POU2AF1: variants seen among roughly 807,000 people sequenced by gnomAD.
POU2AF1 encodes POU class 2 homeobox associating factor 1, also known as POU domain class 2-associating factor 1.
In POU2AF1, 12 loss-of-function variants were observed where a neutral mutation model predicts 26.3. The observed-to-expected ratio is 0.46, with a 90% CI of 0.29 to 0.74. The LOEUF is 0.74. Ranked by LOEUF, POU2AF1 falls within the 30% of genes least tolerant of loss-of-function variation. The pLI is 0.09. For missense variants in POU2AF1, 297 were observed against 334.5 expected (o/e 0.89, Z 0.87); for synonymous variants, 175 against 148.0 (o/e 1.18, Z -1.32).
At position 111,358,764 on chromosome 11, in the gene POU2AF1, ACTCT is replaced by A; in HGVS notation, c.147+20_147+23del. 6.4e-7 allele frequency: 1 copy of A among 1,556,846 alleles called. No individual in the cohort carries two copies. Among genetic ancestry groups the A allele is most frequent in the Non-Finnish European group, 8.7e-7 (1 of 1,155,578 alleles). ...TTCTCTTTCACACACACACACTCAC[ACTCT>A]CACACACACAAACTCTCACCGCCGT... On this transcript the variant is annotated intron_variant, in intron 2 of 4. Coordinates refer to ENST00000393067, the MANE Select transcript of POU2AF1 (RefSeq NM_006235.3).
intron 1 of POU2AF1, among the ~76,000 whole-genome samples, chr11:111,378,268 A>G (rs533681971): frequency 6.6e-6 from 1 of 152,212 alleles, no homozygotes; most frequent in South Asian, 2.1e-4. Flanking sequence ...ATTAATTAAA[A>G]CGAATTTTAA....
Position 111,357,612 on chromosome 11 carries a change from G to C in POU2AF1, c.289C>G (p.Gln97Glu). The C allele has an allele frequency of 6.2e-7, 1 of 1,614,074 alleles. No individual in the cohort carries two copies. The highest frequency in any genetic ancestry group is 1.1e-5 in the South Asian group (1 of 91,064). The change falls in exon 4 of 5, where the codon CAG (glutamine) becomes GAG (glutamate). Residue 97 changes from glutamine (Q) to glutamate (E), a missense_variant. By Grantham distance (29) the Gln-to-Glu change is conservative. Coordinates refer to ENST00000393067, the MANE Select transcript of POU2AF1 (RefSeq NM_006235.3). ...TAAGGTGTCCATGGGGCCAGGGGCT[G>C]CAGGGTGGCCGGGGTGGGCTGGGAG... is the stretch of plus-strand genomic sequence containing the variant. Reference protein sequence around the residue: ...WLSQPTPATLQPLAPWTPYTE... With the variant: ...WLSQPTPATLEPLAPWTPYTE...
rs756334563 is a variant in POU2AF1, at chr11:111,357,504, C to T, written c.397G>A (p.Val133Met). Residue 133 changes from valine (V) to methionine (M), a missense_variant, in exon 4 of 5, where the codon GTG becomes ATG. Coordinates refer to ENST00000393067, the MANE Select transcript of POU2AF1 (RefSeq NM_006235.3). ...YVQPVCPSYT[V>M]VGPSSVLTYA... ...GTCAACACTGAGGAGGGCCCCACCA[C>T]CGTGTAGCTGGGGCACACGGGCTGC... The T allele has an allele frequency of 1.3e-5, 21 of 1,614,022 alleles. No individual in the cohort carries two copies. The South Asian group carries it at 1.9e-4, about 14-fold the overall frequency.
In POU2AF1 at chr11:111,371,951, G is replaced by C. The variant is rs74933731; in HGVS notation, c.16+7211C>G. ...AACTACTAAAGGCAAAGAAAGAACAGAAGTGTCACTCTCTAACTCAAAGTT... is the reference window on the plus strand; with the variant it reads ...AACTACTAAAGGCAAAGAAAGAACACAAGTGTCACTCTCTAACTCAAAGTT... On this transcript the variant is annotated intron_variant, in intron 1 of 4. Transcript: ENST00000393067. Among the ~76,000 whole-genome samples, 475 of 151,772 alleles carry C rather than the reference G, an allele frequency of 3.1e-3. 2 individuals carry two copies. The highest frequency in any genetic ancestry group is 0.011 in the African/African-American group (447 of 41,346).
At chr11:111,378,754 C>T (rs2135145632) in intron 1 of POU2AF1, among the ~76,000 whole-genome samples, 1 of 152,298 alleles carries the variant, frequency 6.6e-6, no homozygotes, top group African/African-American at 2.4e-5. Flanking sequence ...GGCTGAAGAG[C>T]CACTGCTTAT....
At chr11:111,359,007 C>A in intron 1 of POU2AF1, 89 bp from the exon 2 acceptor site, 1 of 1,516,864 alleles carries the variant, frequency 6.6e-7, no homozygotes, top group South Asian at 1.3e-5. Context: ...TCTGCCTGCT[C>A]CCCTAAGTCG....
intron 1 of POU2AF1, among the ~76,000 whole-genome samples, chr11:111,361,683 A>C (rs1346493921): frequency 6.6e-6 from 1 of 152,206 alleles, no homozygotes; most frequent in Non-Finnish European, 1.5e-5. Context: ...AACACATGCC[A>C]TATTTCCCTC....
intron 2 of POU2AF1, 127 bp downstream of exon 2, chr11:111,358,649 CTCACACACTCTA>C: frequency 9.1e-7 from 1 of 1,097,544 alleles, no homozygotes; most frequent in Admixed American, 2.0e-5. Flanking sequence ...CTATCACACT[CTCACACACTCTA>C]TCACACACAA....
chr11:111,359,975 A>G, intron 1 of POU2AF1: 1 of 519,014 alleles, frequency 1.9e-6, no homozygotes, highest in East Asian at 5.4e-5. Flanking sequence ...CCCAAGGGTG[A>G]TCCTTGTACC....
intron 1 of POU2AF1, among the ~76,000 whole-genome samples, chr11:111,362,764 T>TGGG (rs141207117): frequency 0.011 from 1,625 of 152,060 alleles, 29 homozygotes; most frequent in African/African-American, 0.037. Flanking sequence ...TGGGGTTACT[T>TGGG]GGGGGGGTCT....
chr11:111,374,502 G>A (rs774943820), intron 1 of POU2AF1, among the ~76,000 whole-genome samples: 1 of 152,152 alleles, frequency 6.6e-6, no homozygotes, highest in Non-Finnish European at 1.5e-5. Context: ...TTCGAGACCA[G>A]CCTGGCCAAC....
intron 1 of POU2AF1, among the ~76,000 whole-genome samples, chr11:111,360,942 C>CAA (rs200008065): frequency 3.8e-4 from 33 of 86,736 alleles, no homozygotes; most frequent in East Asian, 1.0e-3. Flanking sequence ...GACTCTGTCT[C>CAA]AAAAAAAAAA....
chr11:111,356,307 A>G (rs1297101657), intron 4 of POU2AF1, among the ~76,000 whole-genome samples: 1 of 152,186 alleles, frequency 6.6e-6, no homozygotes, highest in Non-Finnish European at 1.5e-5. Flanking sequence ...CTTCTTATCT[A>G]TCATCATCCA....
chr11:111,358,335 C>CA (rs1459365948), intron 2 of POU2AF1, among the ~76,000 whole-genome samples: 3 of 56,524 alleles, frequency 5.3e-5, no homozygotes, highest in East Asian at 8.0e-4. Flanking sequence ...CTCTCACACA[C>CA]TCTCACACTC....
chr11:111,375,694 C>T (rs774707638), intron 1 of POU2AF1, among the ~76,000 whole-genome samples: 10 of 152,142 alleles, frequency 6.6e-5, no homozygotes, highest in Admixed American at 2.6e-4. Context: ...CCACCGCACC[C>T]GGCCTGATAC....
rs759995881 is a variant in POU2AF1, at chr11:111,357,655, G to A, written c.246C>T (p.Ala82=). 3 of 1,613,518 alleles carry A rather than the reference G, an allele frequency of 1.9e-6. No individual in the cohort carries two copies. Among genetic ancestry groups the A allele is most frequent in the South Asian group, 1.1e-5 (1 of 90,996 alleles). ...GCTGGGAGAGCCAGCCGGCACACAG[G>A]GCAGCCTCCTCTGTCACTGCAGACA... is the stretch of plus-strand genomic sequence containing the variant. The part of the protein sequence containing the change: ...GSVSAVTEEA[A]LCAGWLSQPT... The change falls in exon 4 of 5, where the codon GCC becomes GCT. Residue 82 remains alanine (A), a synonymous_variant. Transcript: ENST00000393067.
At position 111,352,987 on chromosome 11, in the gene POU2AF1, AAGGAAAGAAGGAAG is replaced by A; in HGVS notation, c.*1260_*1273del. ...AGAGGAAGGAAGGAAGGAAGGAAGG[AAGGAAAGAAGGAAG>A]GAAGGAAGGAAGGAAGGAAGGAAGG... On this transcript the variant is annotated 3_prime_UTR_variant, in exon 5 of 5. Transcript: ENST00000393067. 3 of 73,354 alleles carry A rather than the reference AAGGAAAGAAGGAAG, an allele frequency of 4.1e-5. No individual in the cohort carries two copies. In the East Asian group the frequency reaches 5.4e-4, roughly 13 times the overall value. 4.5% of individuals were successfully genotyped at this position (73,354 alleles called of 1,614,324 possible).
chr11:111,360,898 C>T (rs1214362166), intron 1 of POU2AF1, among the ~76,000 whole-genome samples: 1 of 148,528 alleles, frequency 6.7e-6, no homozygotes, highest in Non-Finnish European at 1.5e-5. Flanking sequence ...GAGCTGAGAT[C>T]ACACCATTGC....
intron 1 of POU2AF1, among the ~76,000 whole-genome samples, chr11:111,375,217 A>T (rs1238708604): frequency 6.6e-6 from 1 of 152,120 alleles, no homozygotes; most frequent in Admixed American, 6.5e-5. Flanking sequence ...CAACTGTCCA[A>T]TTTGTTCACT....
Sources: gnomAD v4.1 joint callset for allele counts (sites outside exome capture counted in the v4.1 genomes callset) on GRCh38, gnomAD v4.1.1 for gene constraint, MANE v1.5 for transcripts, NCBI Gene and HGNC (gene_info 2026-07-23, HGNC 2026-07-21) for gene names.